LNPK: variants seen among roughly 807,000 people sequenced by gnomAD.
LNPK encodes the protein lunapark, ER junction formation factor.
In LNPK, 29 loss-of-function variants were observed where a neutral mutation model predicts 55.2. The observed-to-expected ratio is 0.53, with a 90% CI of 0.39 to 0.72. LNPK has a LOEUF of 0.72. Ranked by LOEUF, LNPK falls within the 30% of genes least tolerant of loss-of-function variation. The pLI, the probability that LNPK is intolerant of heterozygous loss-of-function variation, is 0.00. For synonymous variants in LNPK, 162 were observed against 168.2 expected, an observed-to-expected ratio of 0.96 and a Z score of 0.29; for missense variants, 467 against 494.8, an observed-to-expected ratio of 0.94 and a Z score of 0.53.
At chr2:175,931,622 A>C (rs2105511362) in intron 12 of LNPK, among the ~76,000 whole-genome samples, 1 of 152,326 alleles carries the variant, frequency 6.6e-6, no homozygotes, top group South Asian at 2.1e-4. Context: ...AATAGTAAGG[A>C]ATGTCCATAA....
chr2:175,930,079 T>G lies in LNPK; in HGVS notation c.1175A>C (p.Lys392Thr), dbSNP rs757127421. The change falls in exon 13 of 13, where the codon AAA becomes ACA. Residue 392 changes from lysine (K) to threonine (T), a missense_variant. Lys to Thr is a moderately conservative substitution (Grantham distance 78). Coordinates refer to ENST00000272748, the MANE Select transcript of LNPK (RefSeq NM_030650.3). The stretch of plus-strand genomic sequence containing the variant: ...GGCTTCCTCATTCTCAGTCTCTTGT[T>G]TCTCCTCTGGTTCCTCTGAGTCAGA... ...KASDSEEPEEKQETENEEASV... is the reference protein window; with the variant it reads ...KASDSEEPEETQETENEEASV... 6.2e-7 allele frequency: 1 copy of G among 1,614,120 alleles called. No individual in the cohort carries two copies. Among genetic ancestry groups the G allele is most frequent in the Non-Finnish European group, 8.5e-7 (1 of 1,179,980 alleles).
At chr2:175,980,738 C>G (rs952911217) in intron 4 of LNPK, among the ~76,000 whole-genome samples, 1 of 152,032 alleles carries the variant, frequency 6.6e-6, no homozygotes, top group African/African-American at 2.4e-5. Context: ...GAAACCCCAT[C>G]TCTACTGAAC....
At chr2:175,981,026 T>A (rs1036416280) in intron 4 of LNPK, among the ~76,000 whole-genome samples, 3 of 152,058 alleles carry the variant, frequency 2.0e-5, no homozygotes, top group Non-Finnish European at 2.9e-5. Context: ...AATATAAGTA[T>A]GAAAATTAGT....
chr2:175,999,153 TAATGCATA>T (rs1473293171), intron 1 of LNPK, among the ~76,000 whole-genome samples: 1 of 152,224 alleles, frequency 6.6e-6, no homozygotes, highest in Non-Finnish European at 1.5e-5. Context: ...TGTTTTACTG[TAATGCATA>T]TGTAATAGGT....
rs182916217 is a variant in LNPK, at chr2:175,987,529, G to T, written c.257+4702C>A. ...CACACACCAGGGCCTGTTGTGGGGTGGGGGGAGCAGGGAGGGATAGCATTA... is the reference window on the plus strand; with the variant it reads ...CACACACCAGGGCCTGTTGTGGGGTTGGGGGAGCAGGGAGGGATAGCATTA... On this transcript the variant is annotated intron_variant, in intron 4 of 12. Transcript: ENST00000272748. 1.2e-4 allele frequency among the ~76,000 whole-genome samples: 19 copies of T among 152,158 alleles called. No individual in the cohort carries two copies. The Middle Eastern group carries it at 0.01, about 82-fold the overall frequency.
intron 12 of LNPK, among the ~76,000 whole-genome samples, chr2:175,932,481 G>C: frequency 6.6e-6 from 1 of 152,110 alleles, no homozygotes; most frequent in East Asian, 1.9e-4. Context: ...AATAATCAAA[G>C]AGCCTATTAA....
At chr2:175,988,908 G>C (rs1214598754) in intron 4 of LNPK, among the ~76,000 whole-genome samples, 1 of 152,008 alleles carries the variant, frequency 6.6e-6, no homozygotes, top group African/African-American at 2.4e-5. Flanking sequence ...CAAGTAGCTG[G>C]GACTACAGGA....
intron 11 of LNPK, 68 bp from the exon 12 acceptor site, chr2:175,937,582 C>T (rs1684618183): frequency 2.7e-6 from 3 of 1,099,748 alleles, no homozygotes; most frequent in Non-Finnish European, 3.9e-6. Context: ...AATTAGTTAA[C>T]TCACAAGATC....
chr2:175,999,311 T>C (rs561127469), intron 1 of LNPK, among the ~76,000 whole-genome samples: 82 of 152,368 alleles, frequency 5.4e-4, no homozygotes, highest in African/African-American at 2.0e-3. Flanking sequence ...CTCCAAGTCC[T>C]GTGGCCCATC....
chr2:175,966,898 T>C (rs1686383945), intron 6 of LNPK, among the ~76,000 whole-genome samples: 1 of 152,238 alleles, frequency 6.6e-6, no homozygotes, highest in African/African-American at 2.4e-5. Context: ...AAATATAATG[T>C]AGGAGAAAGA....
chr2:175,951,607 A>ATATATATATATATATATC lies in LNPK; in HGVS notation c.494-3916_494-3915insGATATATATATATATATA, dbSNP rs972901665. On this transcript the variant is annotated intron_variant, in intron 8 of 12. Coordinates refer to ENST00000272748, the MANE Select transcript of LNPK (RefSeq NM_030650.3). Reference sequence around the variant, plus strand: ...TTCATATATATATATATATATATATATATCTCAGTTTCTTTATCCACTCAT... The same window carrying ATATATATATATATATATC: ...TTCATATATATATATATATATATATATATATATATATATATATCTATCTCAGTTTCTTTATCCACTCAT... Among the ~76,000 whole-genome samples the ATATATATATATATATATC allele has an allele frequency of 5.3e-4, 64 of 121,710 alleles. 3 individuals are homozygous for ATATATATATATATATATC. The highest frequency in any genetic ancestry group is 7.0e-4 in the Non-Finnish European group (37 of 53,056). 79.8% of individuals were successfully genotyped at this position (121,710 alleles called of 152,430 possible).
At chr2:175,997,012 C>T (rs1687963227) in intron 1 of LNPK, among the ~76,000 whole-genome samples, 2 of 152,142 alleles carry the variant, frequency 1.3e-5, no homozygotes, top group Non-Finnish European at 2.9e-5. Context: ...TATTTTTTAA[C>T]CATAAACGTA....
chr2:175,964,016 A>G (rs1039899747), intron 8 of LNPK, among the ~76,000 whole-genome samples: 1 of 152,124 alleles, frequency 6.6e-6, no homozygotes, highest in Admixed American at 6.6e-5. Context: ...ATTTTTCAAA[A>G]ATAAAACATA....
At chr2:175,937,620 T>C in intron 11 of LNPK, 106 bp from the exon 12 acceptor site, 2 of 748,954 alleles carry the variant, frequency 2.7e-6, no homozygotes, top group Non-Finnish European at 4.3e-6. Flanking sequence ...AAAGAACCTT[T>C]TAAAAGTTAC....
chr2:175,978,309 A>G (rs1390182821), intron 5 of LNPK, among the ~76,000 whole-genome samples: 1 of 152,194 alleles, frequency 6.6e-6, no homozygotes, highest in Non-Finnish European at 1.5e-5. Flanking sequence ...TCCAAATTCT[A>G]TACCACTTTT....
chr2:175,960,014 A>C (rs939021359), intron 8 of LNPK, among the ~76,000 whole-genome samples: 2 of 152,234 alleles, frequency 1.3e-5, no homozygotes, highest in Non-Finnish European at 2.9e-5. Flanking sequence ...AGAGCTAACT[A>C]TCCTAAATAT....
In LNPK at chr2:175,976,907, A is replaced by C. The variant is rs72912947; in HGVS notation, c.316+2903T>G. Among the ~76,000 whole-genome samples, 381 of 152,276 alleles carry C rather than the reference A, an allele frequency of 2.5e-3. 1 individual carries two copies. The highest frequency in any genetic ancestry group is 4.3e-3 in the Admixed American group (66 of 15,292). On this transcript the variant is annotated intron_variant, in intron 5 of 12. Coordinates refer to ENST00000272748, the MANE Select transcript of LNPK (RefSeq NM_030650.3). ...TAATTGCATGAGCCAATTCCTTATAATATTTCCTATTGGTTCTGTTTCTCT... is the reference window on the plus strand; with the variant it reads ...TAATTGCATGAGCCAATTCCTTATACTATTTCCTATTGGTTCTGTTTCTCT...
rs1015286104 is a variant in LNPK at position 175,991,785 on chromosome 2, A to G, written c.257+446T>C. On this transcript the variant is annotated intron_variant, in intron 4 of 12. Coordinates refer to ENST00000272748, the MANE Select transcript of LNPK (RefSeq NM_030650.3). ...CTCCTATACAGTGCTATATTATAAAATATTTCTAAAATAAGGGTCAATTGC... is the reference window on the plus strand; with the variant it reads ...CTCCTATACAGTGCTATATTATAAAGTATTTCTAAAATAAGGGTCAATTGC... Among the ~76,000 whole-genome samples the G allele has an allele frequency of 2.6e-5, 4 of 152,224 alleles. No homozygotes were observed. In the East Asian group the frequency reaches 7.7e-4, roughly 29 times the overall value.
chr2:175,952,950 T>A (rs1685496258), intron 8 of LNPK, among the ~76,000 whole-genome samples: 1 of 152,148 alleles, frequency 6.6e-6, no homozygotes, highest in Non-Finnish European at 1.5e-5. Context: ...ATCAATCCTT[T>A]GGGGTAACTC....
Sources: allele counts gnomAD v4.1 joint callset (sites outside exome capture counted in the v4.1 genomes callset), GRCh38; gene constraint gnomAD v4.1.1; transcripts MANE v1.5; gene names NCBI Gene and HGNC (gene_info 2026-07-23, HGNC 2026-07-21).